Variants in USP36 observed in about 807,000 individuals in gnomAD.
The protein encoded by USP36 is ubiquitin carboxyl-terminal hydrolase 36.
A neutral mutation model predicts 111.5 loss-of-function variants in USP36; 59 were observed. The observed-to-expected ratio is 0.53, with a 90% CI of 0.43 to 0.66. The LOEUF (loss-of-function observed/expected upper bound fraction) is 0.66. Among genes scored for constraint, USP36 ranks in the 30% least tolerant of loss-of-function variants. The pLI, the probability that USP36 is intolerant of heterozygous loss-of-function variation, is 0.00. For synonymous variants in USP36, 628 were observed against 581.0 expected (o/e 1.08, Z -1.16); for missense variants, 1,488 against 1,468.0 (o/e 1.01, Z -0.22).
intron 8 of USP36, 65 bp from the exon 9 acceptor site, chr17:78,820,077 C>T (rs1446340430): frequency 2.6e-6 from 4 of 1,549,566 alleles, no homozygotes; most frequent in Admixed American, 1.7e-5. Flanking sequence ...CAAGAAATGC[C>T]AAATTTAAGG....
rs2093902299 is a variant in USP36 at position 78,806,392 on chromosome 17, C to T, written c.2086-106G>A. ...AAATGAAAATAAAAACAAAAGAGCC[C>T]AGAAAAAAAGATGAGGAGACAGAAG... On this transcript the variant is annotated intron_variant, in intron 14 of 20. Transcript: ENST00000449938. 2.0e-6 allele frequency: 3 copies of T among 1,485,176 alleles called. No homozygotes were observed. The South Asian group carries it at 3.7e-5, about 18-fold the overall frequency. The allele number at this position is 1,485,176 out of a possible 1,614,324, so 92.0% of individuals were successfully genotyped here.
At chr17:78,828,710 C>T (rs537848099) in intron 5 of USP36, among the ~76,000 whole-genome samples, 187 bp downstream of exon 5, 1 of 152,304 alleles carries the variant, frequency 6.6e-6, no homozygotes, top group Admixed American at 6.5e-5. Flanking sequence ...AGCAGGCCTT[C>T]AGTAACAGAT....
In USP36 at chr17:78,806,147, A is replaced by T; in HGVS notation, c.2216+9T>A. On this transcript the variant is annotated intron_variant, in intron 15 of 20. Transcript: ENST00000449938. ...GTTGGCACCCAGAAGATCCCGGCCC[A>T]AAGCTTACCTGGCTCTATGGACGGG... 1 of 1,613,098 alleles carries T rather than the reference A, an allele frequency of 6.2e-7. No homozygotes were observed. Among genetic ancestry groups the T allele is most frequent in the Non-Finnish European group, 8.5e-7 (1 of 1,179,828 alleles).
At chr17:78,795,423 C>T (rs1278865061), downstream of USP36, among the ~76,000 whole-genome samples, 1 of 152,188 alleles carries the variant, frequency 6.6e-6, no homozygotes, top group Non-Finnish European at 1.5e-5. The surrounding 1 kb of genome is among the most constrained non-coding windows in gnomAD (Gnocchi z 4.5). Flanking sequence ...GCATTCTCAA[C>T]AGGAGCCGCT....
intron 1 of USP36, 35 bp downstream of exon 1, chr17:78,840,701 G>A (rs1208063230): frequency 6.5e-6 from 1 of 152,746 alleles, no homozygotes; most frequent in Non-Finnish European, 1.5e-5. Context: ...CTCGTCCCCA[G>A]GCCTGCGCAC....
At chr17:78,813,128 A>G (rs1386283294) in intron 12 of USP36, 127 bp from the exon 13 acceptor site, 29 of 1,191,528 alleles carry the variant, frequency 2.4e-5, no homozygotes, top group Non-Finnish European at 3.2e-5. Flanking sequence ...AGTCCTAACC[A>G]CTTCTCTGGA....
chr17:78,799,143 C>T, intron 18 of USP36, 120 bp from the exon 19 acceptor site: 1 of 981,998 alleles, frequency 1.0e-6, no homozygotes, highest in Non-Finnish European at 1.6e-6. Flanking sequence ...TTGAGTGCCA[C>T]CTTGTGGTGA....
chr17:78,790,018 C>T (rs151175239), intron 3 of USP36, among the ~76,000 whole-genome samples: 6 of 152,300 alleles, frequency 3.9e-5, no homozygotes, highest in East Asian at 1.9e-4. Flanking sequence ...AAATATTTAC[C>T]GGGTGGCTGG....
chr17:78,834,073 C>T (rs566843487), intron 4 of USP36, among the ~76,000 whole-genome samples: 2 of 152,068 alleles, frequency 1.3e-5, no homozygotes, highest in South Asian at 4.2e-4. Context: ...ATGGTAAAAC[C>T]CCATCTCTAC....
rs972345185 is a variant in USP36 at position 78,838,651 on chromosome 17, C to T, written c.-74G>A. Reference sequence around the variant, plus strand: ...ATGGAACCAGGATCTTAACGGAGGGCTGAGTTTGGTTGGGCAGGTGCTACG... The same window carrying T: ...ATGGAACCAGGATCTTAACGGAGGGTTGAGTTTGGTTGGGCAGGTGCTACG... On this transcript the variant is annotated 5_prime_UTR_variant, in exon 2 of 21. Transcript: ENST00000449938. 1 of 152,254 alleles carries T rather than the reference C, an allele frequency of 6.6e-6. No homozygotes were observed. The highest frequency in any genetic ancestry group is 1.5e-5 in the Non-Finnish European group (1 of 68,100). 9.4% of individuals were successfully genotyped at this position (152,254 alleles called of 1,614,324 possible). A position where few individuals can be genotyped will look rare whatever the true frequency, so the allele number is the denominator to read the frequency against.
At chr17:78,805,135 G>A (rs1475582078) in intron 15 of USP36, among the ~76,000 whole-genome samples, 1 of 152,134 alleles carries the variant, frequency 6.6e-6, no homozygotes, top group Non-Finnish European at 1.5e-5. Flanking sequence ...GTTCTCATTT[G>A]TCAATGAGCT....
At position 78,812,877 on chromosome 17, in the gene USP36, AG is replaced by A; in HGVS notation, c.1389del (p.Ser464ProfsTer3). The A allele has an allele frequency of 6.2e-7, 1 of 1,613,356 alleles. No individual in the cohort carries two copies. Among genetic ancestry groups the A allele is most frequent in the Non-Finnish European group, 8.5e-7 (1 of 1,179,938 alleles). The part of the protein sequence containing the change: ...SKKNIGNGII[S>X]SPLTGKRQDS... ...ACAAATACCTTTCCAGTCAGTGGGGAGGAAATAATCCCATTGCCGATGTTCT... is the reference window on the plus strand; with the variant it reads ...ACAAATACCTTTCCAGTCAGTGGGGAGAAATAATCCCATTGCCGATGTTCT... On this transcript the variant is annotated frameshift_variant, in exon 13 of 21. Transcript: ENST00000449938. LOFTEE classifies it high-confidence loss of function.
At chr17:78,818,035 T>C (rs1188687291) in intron 10 of USP36, among the ~76,000 whole-genome samples, 1 of 152,116 alleles carries the variant, frequency 6.6e-6, no homozygotes, top group African/African-American at 2.4e-5. Flanking sequence ...TAGTGAGCGC[T>C]GATTATGCCA....
chr17:78,813,652 T>A (rs972898182), intron 12 of USP36, 121 bp downstream of exon 12: 1 of 857,690 alleles, frequency 1.2e-6, no homozygotes, highest in East Asian at 2.6e-5. Flanking sequence ...CTATGACACA[T>A]GACAAATCCC....
intron 4 of USP36, among the ~76,000 whole-genome samples, chr17:78,829,842 G>A (rs1235488393): frequency 6.6e-6 from 1 of 152,192 alleles, no homozygotes; most frequent in Admixed American, 6.5e-5. Flanking sequence ...CCGGGTTTAA[G>A]CAATTCTCCT....
intron 15 of USP36, among the ~76,000 whole-genome samples, chr17:78,805,287 A>C (rs892013115): frequency 1.3e-5 from 2 of 152,218 alleles, no homozygotes; most frequent in African/African-American, 4.8e-5. Flanking sequence ...AAAAGCTTAT[A>C]AGGCAAGAAA....
chr17:78,838,387 C>CAAAAAAA (rs1258501186), intron 2 of USP36, among the ~76,000 whole-genome samples, 200 bp downstream of exon 2: 1 of 134,662 alleles, frequency 7.4e-6, no homozygotes, highest in African/African-American at 3.0e-5. Flanking sequence ...AAAAAAAAAA[C>CAAAAAAA]AAAAAACAAA....
At chr17:78,831,616 C>T (rs2068118668) in intron 4 of USP36, among the ~76,000 whole-genome samples, 1 of 151,980 alleles carries the variant, frequency 6.6e-6, no homozygotes, top group Non-Finnish European at 1.5e-5. Context: ...TCTCAAAAAA[C>T]TGTGTAGAAA....
chr17:78,815,631 C>G (rs2094159742), intron 10 of USP36, among the ~76,000 whole-genome samples: 1 of 152,144 alleles, frequency 6.6e-6, no homozygotes, highest in Non-Finnish European at 1.5e-5. Context: ...ACTGCTACCG[C>G]AAGTAAGACT....
Sources: allele counts gnomAD v4.1 joint callset (sites outside exome capture counted in the v4.1 genomes callset), GRCh38; gene constraint gnomAD v4.1.1; non-coding constraint Gnocchi (gnomAD v3.1); transcripts MANE v1.5; gene names NCBI Gene and HGNC (gene_info 2026-07-23, HGNC 2026-07-21).